The following FREM2 variants were observed in gnomAD, a reference collection of about 807,000 sequenced individuals.
The protein encoded by FREM2 is FRAS1 related extracellular matrix 2.
A neutral mutation model predicts 219.9 loss-of-function variants in FREM2; 119 were observed. That is an observed-to-expected ratio of 0.54 (90% CI 0.47 to 0.63). The LOEUF (loss-of-function observed/expected upper bound fraction) is 0.63. Ranked by LOEUF, FREM2 falls within the 30% of genes least tolerant of loss-of-function variation. The pLI is 0.00. For synonymous variants in FREM2, 1,562 were observed against 1,522.8 expected, an observed-to-expected ratio of 1.03 and a Z score of -0.60; for missense variants, 4,030 against 3,993.6, an observed-to-expected ratio of 1.01 and a Z score of -0.25.
At position 38,689,260 on chromosome 13, in the gene FREM2, C is replaced by G. The variant is rs774584521; in HGVS notation, c.1916C>G (p.Thr639Arg). 4.3e-6 allele frequency: 7 copies of G among 1,613,962 alleles called. No individual in the cohort carries two copies. The highest frequency in any genetic ancestry group is 2.2e-5 in the South Asian group (2 of 91,084). Residue 639 changes from threonine (T) to arginine (R), a missense_variant, in exon 1 of 24, where the codon ACA becomes AGA. Around this residue, in one of 2 missense-constraint regions of FREM2, gnomAD observed 3,102 missense variants for 2,950.7 expected, o/e 1.05. Transcript: ENST00000280481. Reference sequence around the variant, plus strand: ...AAGGAGGGGGCATTTTATGAGCGAACAGTGACAGAGTGGCAGCAGCAGGAC... The same window carrying G: ...AAGGAGGGGGCATTTTATGAGCGAAGAGTGACAGAGTGGCAGCAGCAGGAC... ...WRKEGAFYER[T>R]VTEWQQQDIT... is the part of the protein sequence containing the mutation.
intron 2 of FREM2, among the ~76,000 whole-genome samples, chr13:38,749,444 A>G (rs1472965623): frequency 6.6e-6 from 1 of 152,212 alleles, no homozygotes; most frequent in African/African-American, 2.4e-5. Context: ...AGAAAACATG[A>G]ATTACCAAGA....
chr13:38,687,789 G>C lies in FREM2; in HGVS notation c.445G>C (p.Asp149His), dbSNP rs772914923. The C allele has an allele frequency of 1.3e-6, 2 of 1,538,138 alleles. No individual in the cohort carries two copies. Among genetic ancestry groups the C allele is most frequent in the East Asian group, 4.6e-5 (2 of 43,574 alleles). The change falls in exon 1 of 24, where the codon GAC becomes CAC. Residue 149 changes from aspartate to histidine, a missense_variant. Physicochemically the swap from Asp to His is moderately conservative, Grantham distance 81 (BLOSUM62 -1). Around this residue, in one of 2 missense-constraint regions of FREM2, gnomAD observed 3,102 missense variants for 2,950.7 expected, o/e 1.05. Coordinates refer to ENST00000280481, the MANE Select transcript of FREM2 (RefSeq NM_207361.6). ...SHLGARSPSR[D>H]RVRLQLRYDA... is the part of the protein sequence containing the mutation. The stretch of plus-strand genomic sequence containing the variant: ...CCTGGGCGCGCGCAGCCCGTCTCGG[G>C]ACCGCGTCCGGCTGCAGCTGCGCTA...
chr13:38,736,074 C>T (rs1871981309), intron 2 of FREM2, among the ~76,000 whole-genome samples: 1 of 152,118 alleles, frequency 6.6e-6, no homozygotes, highest in African/African-American at 2.4e-5. Flanking sequence ...GTATCCTAAC[C>T]GCCCCTAGAC....
intron 6 of FREM2, among the ~76,000 whole-genome samples, chr13:38,811,337 A>G (rs894551244): frequency 4.7e-4 from 72 of 151,926 alleles, no homozygotes; most frequent in African/African-American, 1.7e-3. Flanking sequence ...TAATTCTTCT[A>G]CTAATTTTGG....
rs1400701248 is a variant in FREM2 at position 38,687,297 on chromosome 13, A to G, written c.-48A>G. 6.4e-7 allele frequency: 1 copy of G among 1,557,354 alleles called. No homozygotes were observed. The highest frequency in any genetic ancestry group is 1.2e-5 in the South Asian group (1 of 84,546). On this transcript the variant is annotated 5_prime_UTR_variant, in exon 1 of 24. Transcript: ENST00000280481. ...TCTCTTGTTGTCTGCCCGGGGACCGACTTCGCATGCTCTCAGGCTGACCTG... is the reference window on the plus strand; with the variant it reads ...TCTCTTGTTGTCTGCCCGGGGACCGGCTTCGCATGCTCTCAGGCTGACCTG...
intron 9 of FREM2, among the ~76,000 whole-genome samples, chr13:38,850,695 A>G (rs1235232299): frequency 6.6e-6 from 1 of 152,230 alleles, no homozygotes; most frequent in African/African-American, 2.4e-5. Flanking sequence ...GTTTTCTAAG[A>G]TGAGTGGCAG....
In FREM2 at chr13:38,687,874, C is replaced by T; in HGVS notation, c.530C>T (p.Thr177Ile). The change falls in exon 1 of 24, where the codon ACC (threonine) becomes ATC (isoleucine). Residue 177 changes from threonine to isoleucine, a missense_variant. By Grantham distance (89) the Thr-to-Ile change is moderately conservative. Around this residue, in one of 2 missense-constraint regions of FREM2, gnomAD observed 3,102 missense variants for 2,950.7 expected, o/e 1.05. Transcript: ENST00000280481. ...GTACTGGAGGTGGAGGTGGTCTTCACCCAGCTGGAGGTTGTGACTCGGAAC... is the reference window on the plus strand; with the variant it reads ...GTACTGGAGGTGGAGGTGGTCTTCATCCAGCTGGAGGTTGTGACTCGGAAC... ...PLVLEVEVVF[T>I]QLEVVTRNLP... The T allele has an allele frequency of 5.1e-6, 8 of 1,572,484 alleles. No homozygotes were observed. Among genetic ancestry groups the T allele is most frequent in the Non-Finnish European group, 6.9e-6 (8 of 1,155,254 alleles).
At chr13:38,814,124 T>A (rs528127635) in intron 6 of FREM2, among the ~76,000 whole-genome samples, 1 of 152,318 alleles carries the variant, frequency 6.6e-6, no homozygotes, top group South Asian at 2.1e-4. Flanking sequence ...TTTCTTCAAG[T>A]CTCTTCAAAA....
chr13:38,687,722 C>T lies in FREM2; in HGVS notation c.378C>T (p.Arg126=), dbSNP rs1195117275. Residue 126 remains arginine (R), a synonymous_variant, in exon 1 of 24, where the codon CGC becomes CGT. Coordinates refer to ENST00000280481, the MANE Select transcript of FREM2 (RefSeq NM_207361.6). Reference sequence around the variant, plus strand: ...GACCGGGCCGCCTGAGTCCCAAGCGCTTCCCGTGCGACTTTGGCCCTGGCG... The same window carrying T: ...GACCGGGCCGCCTGAGTCCCAAGCGTTTCCCGTGCGACTTTGGCCCTGGCG... ...AQRPGRLSPK[R]FPCDFGPGEV... is the part of the protein sequence containing the mutation. 2 of 1,552,902 alleles carry T rather than the reference C, an allele frequency of 1.3e-6. No individual in the cohort carries two copies. Among genetic ancestry groups the T allele is most frequent in the East Asian group, 2.3e-5 (1 of 44,130 alleles).
intron 2 of FREM2, among the ~76,000 whole-genome samples, chr13:38,751,514 C>G (rs551056512): frequency 9.3e-4 from 142 of 152,236 alleles, no homozygotes; most frequent in Non-Finnish European, 1.8e-3. Flanking sequence ...GTTCCTTCCT[C>G]TGGGAGGGGC....
intron 20 of FREM2, 138 bp from the exon 21 acceptor site, chr13:38,876,979 T>C (rs571159484): frequency 9.7e-7 from 1 of 1,026,722 alleles, no homozygotes; most frequent in East Asian, 2.4e-5. Flanking sequence ...CTCTCTGAGT[T>C]AGCTTGGTAG....
chr13:38,709,051 C>T (rs1487154218), intron 2 of FREM2, among the ~76,000 whole-genome samples: 2 of 152,204 alleles, frequency 1.3e-5, no homozygotes, highest in Admixed American at 6.5e-5. Context: ...TAAGCCACCA[C>T]ATCCAGCCTC....
Position 38,881,199 on chromosome 13 carries a change from A to G in FREM2, c.*412A>G. 1 of 262,826 alleles carries G rather than the reference A, an allele frequency of 3.8e-6. No individual in the cohort carries two copies. Among genetic ancestry groups the G allele is most frequent in the South Asian group, 4.5e-5 (1 of 22,392 alleles). The allele number at this position is 262,826 out of a possible 1,614,324, so 16.3% of individuals were successfully genotyped here. ...TTATCACATTGTTTATTAATTGTAT[A>G]ACAGATTATTACTAGAAAGGTTTTT... On this transcript the variant is annotated 3_prime_UTR_variant, in exon 24 of 24. Coordinates refer to ENST00000280481, the MANE Select transcript of FREM2 (RefSeq NM_207361.6).
chr13:38,846,973 A>G (rs531477789), intron 7 of FREM2, among the ~76,000 whole-genome samples: 8 of 152,300 alleles, frequency 5.3e-5, no homozygotes, highest in African/African-American at 1.9e-4. Flanking sequence ...ACTGAGGCCT[A>G]TATTTCCATG....
At chr13:38,785,617 T>G (rs1025168969) in intron 6 of FREM2, among the ~76,000 whole-genome samples, 1 of 152,132 alleles carries the variant, frequency 6.6e-6, no homozygotes, top group Non-Finnish European at 1.5e-5. Context: ...AAGACCAAAC[T>G]GAGGAAGCTG....
intron 1 of FREM2, among the ~76,000 whole-genome samples, chr13:38,695,203 C>T (rs922855627): frequency 9.2e-5 from 14 of 152,060 alleles, no homozygotes; most frequent in African/African-American, 2.4e-4. Flanking sequence ...AAATATGTAA[C>T]GTGTGTTTAT....
chr13:38,826,062 T>G (rs542718562), intron 6 of FREM2, among the ~76,000 whole-genome samples: 2 of 152,264 alleles, frequency 1.3e-5, no homozygotes, highest in East Asian at 3.9e-4. Context: ...CAAGAATGGT[T>G]TTCTAACTCC....
chr13:38,861,401 C>T (rs1053486831), intron 14 of FREM2, 30 bp from the exon 15 acceptor site: 16 of 1,608,080 alleles, frequency 9.9e-6, no homozygotes, highest in African/African-American at 6.7e-5. Context: ...ACCTTCTTTT[C>T]GCATAAATAT....
Position 38,690,709 on chromosome 13 carries a change from C to T in FREM2, c.3365C>T (p.Pro1122Leu). Residue 1122 changes from proline to leucine, a missense_variant, in exon 1 of 24, where the codon CCA becomes CTA. By Grantham distance (98) the Pro-to-Leu change is moderately conservative (BLOSUM62 -3). Transcript: ENST00000280481. ...SGYVENISPA[P>L]GSEKSRAGIA... ...TATGTTGAAAACATTTCTCCAGCAC[C>T]AGGCTCTGAGAAATCAAGAGCAGGG... The T allele has an allele frequency of 6.2e-7, 1 of 1,614,000 alleles. No homozygotes were observed. The highest frequency in any genetic ancestry group is 8.5e-7 in the Non-Finnish European group (1 of 1,180,026).
Sources: gnomAD v4.1 joint callset for allele counts (sites outside exome capture counted in the v4.1 genomes callset) on GRCh38, gnomAD v4.1.1 for gene constraint, gnomAD v4.1.1 regional missense constraint, MANE v1.5 for transcripts, NCBI Gene and HGNC (gene_info 2026-07-23, HGNC 2026-07-21) for gene names.